The following CSPP1 variants were observed in gnomAD, a reference collection of about 807,000 sequenced individuals.
CSPP1 encodes the protein centrosome and spindle pole associated protein 1.
Under a neutral mutation model 164.4 loss-of-function variants are expected in CSPP1, and 126 were observed. That is an observed-to-expected ratio of 0.77 (90% CI 0.66 to 0.89). The LOEUF (loss-of-function observed/expected upper bound fraction) is 0.89, where lower values mean the gene tolerates loss of function less well. Among genes scored for constraint, CSPP1 ranks in the 40% least tolerant of loss-of-function variants. The probability of loss-of-function intolerance (pLI) is 0.00; values close to 1 mark genes in which losing one functional copy is unlikely to be tolerated. For synonymous variants in CSPP1, 472 were observed against 476.7 expected (o/e 0.99, Z 0.13); for missense variants, 1,395 against 1,449.8 (o/e 0.96, Z 0.61).
At chr8:67,121,817 A>C (rs1428144561) in intron 15 of CSPP1, among the ~76,000 whole-genome samples, 1 of 152,232 alleles carries the variant, frequency 6.6e-6, no homozygotes, top group East Asian at 1.9e-4. Flanking sequence ...TATTGATTAG[A>C]GATTCAGTCT....
intron 13 of CSPP1, among the ~76,000 whole-genome samples, chr8:67,117,381 TA>T (rs1475890095): frequency 1.3e-4 from 20 of 152,202 alleles, no homozygotes; most frequent in African/African-American, 4.6e-4. Flanking sequence ...GAGAACCTGT[TA>T]AGATACATAC....
chr8:67,155,422 T>G (rs146375429), intron 19 of CSPP1, among the ~76,000 whole-genome samples: 172 of 152,360 alleles, frequency 1.1e-3, no homozygotes, highest in African/African-American at 4.1e-3. Context: ...ATAGATGCCC[T>G]CAAACATATC....
intron 7 of CSPP1, 84 bp from the exon 8 acceptor site, chr8:67,102,953 C>A: frequency 1.4e-6 from 1 of 716,512 alleles, no homozygotes; most frequent in Non-Finnish European, 2.4e-6. Context: ...TTAATGTTGC[C>A]AACATCAAAT....
intron 18 of CSPP1, among the ~76,000 whole-genome samples, chr8:67,151,750 T>G (rs1479836567): frequency 6.6e-6 from 1 of 152,090 alleles, no homozygotes; most frequent in Non-Finnish European, 1.5e-5. Flanking sequence ...AAAACTTCCT[T>G]TTTTTTGTGA....
At chr8:67,145,276 A>G (rs1824297124) in intron 17 of CSPP1, among the ~76,000 whole-genome samples, 1 of 151,864 alleles carries the variant, frequency 6.6e-6, no homozygotes, top group South Asian at 2.1e-4. Context: ...TTTTTATTCT[A>G]ATGTTTGTAG....
chr8:67,089,646 G>A (rs909688628), intron 4 of CSPP1, among the ~76,000 whole-genome samples: 1 of 151,982 alleles, frequency 6.6e-6, no homozygotes. Flanking sequence ...TTGGAGGACA[G>A]GAATCTTTAT....
intron 30 of CSPP1, 76 bp from the exon 31 acceptor site, chr8:67,195,287 CTGAGTTGTAATGAGTTGGA>C: frequency 1.2e-6 from 1 of 804,710 alleles, no homozygotes; most frequent in Non-Finnish European, 2.2e-6. Context: ...TGGGGAAATG[CTGAGTTGTAATGAGTTGGA>C]CTACAAGAGA....
At chr8:67,179,101 C>A (rs1291444748) in intron 27 of CSPP1, among the ~76,000 whole-genome samples, 2 of 152,140 alleles carry the variant, frequency 1.3e-5, no homozygotes, top group African/African-American at 4.8e-5. Flanking sequence ...CCCAGATTAT[C>A]TGGTAAGAAG....
intron 28 of CSPP1, 132 bp from the exon 29 acceptor site, chr8:67,190,518 T>C: frequency 1.5e-6 from 1 of 670,462 alleles, no homozygotes; most frequent in Non-Finnish European, 2.7e-6. Context: ...CACCGAACTG[T>C]GTATGTACAT....
At chr8:67,094,577 AAGGT>A (rs986363573) in intron 6 of CSPP1, among the ~76,000 whole-genome samples, 1 of 151,892 alleles carries the variant, frequency 6.6e-6, no homozygotes, top group African/African-American at 2.4e-5. Flanking sequence ...CTGCCACAGA[AAGGT>A]AAAATTTTCT....
intron 18 of CSPP1, among the ~76,000 whole-genome samples, chr8:67,150,963 A>C (rs1015504369): frequency 1.4e-4 from 22 of 152,212 alleles, no homozygotes; most frequent in African/African-American, 5.3e-4. Flanking sequence ...AGAACTTTTC[A>C]TTAGGAAGTT....
Position 67,159,957 on chromosome 8 carries a change from C to CTTTCTTTTCTTTTCTTTTCT in CSPP1, c.2538+879_2538+898dup, listed in dbSNP as rs758860786. ...TCCTTCCTTCCTTCCTTCCTTCCTT[C>CTTTCTTTTCTTTTCTTTTCT]TTTCTTTTCTTTTCTTTTCTTTTCT... is the stretch of plus-strand genomic sequence containing the variant. On this transcript the variant is annotated intron_variant, in intron 21 of 30. Coordinates refer to ENST00000678616, the MANE Select transcript of CSPP1 (RefSeq NM_001382391.1). Among the ~76,000 whole-genome samples the CTTTCTTTTCTTTTCTTTTCT allele has an allele frequency of 1.7e-3, 34 of 20,008 alleles. 1 individual carries two copies. The highest frequency in any genetic ancestry group is 4.1e-3 in the Admixed American group (7 of 1,716). The allele number at this position is 20,008 out of a possible 152,430, so 13.1% of individuals were successfully genotyped here.
At position 67,195,531 on chromosome 8, in the gene CSPP1, C is replaced by A; in HGVS notation, c.3619C>A (p.Gln1207Lys). Reference sequence around the variant, plus strand: ...GGCAGAGCAGCTGAACCAGGAGCAGCAGCAGATTCCTGGAAAACCAGGCAC... The same window carrying A: ...GGCAGAGCAGCTGAACCAGGAGCAGAAGCAGATTCCTGGAAAACCAGGCAC... ...FMAEQLNQEQQQIPGKPGTFT... is the reference protein window; with the variant it reads ...FMAEQLNQEQKQIPGKPGTFT... Residue 1207 changes from glutamine to lysine, a missense_variant, in exon 31 of 31, where the codon CAG becomes AAG. Transcript: ENST00000678616. 6.2e-7 allele frequency: 1 copy of A among 1,614,202 alleles called. No individual in the cohort carries two copies. The highest frequency in any genetic ancestry group is 1.1e-5 in the South Asian group (1 of 91,082).
chr8:67,107,237 G>A (rs1479964514), intron 9 of CSPP1, among the ~76,000 whole-genome samples: 6 of 151,870 alleles, frequency 4.0e-5, no homozygotes, highest in Admixed American at 2.0e-4. Flanking sequence ...TAGTTGAGAC[G>A]GGGTTTCACC....
intron 3 of CSPP1, among the ~76,000 whole-genome samples, chr8:67,077,619 G>A (rs1223480415): frequency 6.6e-6 from 1 of 152,240 alleles, no homozygotes; most frequent in East Asian, 1.9e-4. Flanking sequence ...GGTTACAGGC[G>A]TGAGCCACTG....
chr8:67,094,636 C>T (rs1220418103), intron 6 of CSPP1, among the ~76,000 whole-genome samples: 3 of 151,926 alleles, frequency 2.0e-5, no homozygotes, highest in Admixed American at 6.6e-5. Context: ...TTAATGTTGC[C>T]TAGGCTGGTC....
At chr8:67,102,479 A>G (rs1814330941) in intron 7 of CSPP1, among the ~76,000 whole-genome samples, 1 of 152,128 alleles carries the variant, frequency 6.6e-6, no homozygotes, top group African/African-American at 2.4e-5. Context: ...AGTCCCAGCT[A>G]CTTGGGAGGC....
rs55752630 is a variant in CSPP1, at chr8:67,146,125, T to C, written c.1976-3658T>C. On this transcript the variant is annotated intron_variant, in intron 17 of 30. Transcript: ENST00000678616. ...TTTTGTAAGAGAATATACTTTTCTTTTTTTTTTTTTTTTTTGAGACAAGGT... is the reference window on the plus strand; with the variant it reads ...TTTTGTAAGAGAATATACTTTTCTTCTTTTTTTTTTTTTTTGAGACAAGGT... Among the ~76,000 whole-genome samples, 682 of 148,386 alleles carry C rather than the reference T, an allele frequency of 4.6e-3. 4 individuals carry two copies. The highest frequency in any genetic ancestry group is 0.014 in the Middle Eastern group (4 of 288).
intron 24 of CSPP1, among the ~76,000 whole-genome samples, chr8:67,166,900 C>T (rs1381535967): frequency 6.6e-6 from 1 of 152,120 alleles, no homozygotes; most frequent in East Asian, 1.9e-4. Flanking sequence ...TCCCTGGGTA[C>T]TTGAGATTAG....
Sources: allele counts gnomAD v4.1 joint callset (sites outside exome capture counted in the v4.1 genomes callset), GRCh38; gene constraint gnomAD v4.1.1; transcripts MANE v1.5; gene names NCBI Gene and HGNC (gene_info 2026-07-23, HGNC 2026-07-21).